The following ZNF37A variants were observed in gnomAD, a reference collection of about 807,000 sequenced individuals.
ZNF37A encodes the protein zinc finger protein 37a (KOX 21).
ZNF37A carries 10 observed loss-of-function variants against 12.3 expected under a neutral mutation model. The observed-to-expected ratio is 0.82, with a 90% CI of 0.50 to 1.38. The LOEUF (loss-of-function observed/expected upper bound fraction) is 1.38. ZNF37A is among the 40% of genes most tolerant of loss of function. The pLI is 0.00. For missense variants in ZNF37A, 580 were observed against 651.2 expected (o/e 0.89, Z 1.19); for synonymous variants, 207 against 223.0 (o/e 0.93, Z 0.64).
chr10:38,144,203 A>G (rs2070224129), intron 7 of ZNF37A: 1 of 152,196 alleles, frequency 6.6e-6, no homozygotes, highest in Non-Finnish European at 1.5e-5. Flanking sequence ...TTACATTACT[A>G]TGTATTTGCA....
intron 5 of ZNF37A, among the ~76,000 whole-genome samples, chr10:38,100,236 G>C (rs571351468): frequency 2.0e-5 from 3 of 152,286 alleles, no homozygotes; most frequent in South Asian, 2.1e-4. Flanking sequence ...TCACAGGACC[G>C]CAGGACCGGT....
At chr10:38,137,670 A>T (rs2136081081) in intron 7 of ZNF37A, 1 of 152,302 alleles carries the variant, frequency 6.6e-6, no homozygotes, top group African/African-American at 2.4e-5. Context: ...GCCACATGAC[A>T]TGAGACTATA....
intron 7 of ZNF37A, among the ~76,000 whole-genome samples, chr10:38,145,516 A>T (rs1349687585): frequency 6.6e-6 from 1 of 152,142 alleles, no homozygotes; most frequent in Non-Finnish European, 1.5e-5. Flanking sequence ...ATTTTTTCAC[A>T]TTATCTCTAC....
rs1239131137 is a variant in ZNF37A, at chr10:38,123,251, A to T, written c.*4414A>T. On this transcript the variant is annotated 3_prime_UTR_variant, in exon 8 of 8. Coordinates refer to ENST00000685332, the MANE Select transcript of ZNF37A (RefSeq NM_001324250.3). ...GTGTTTATACACATTTCATACCTGT[A>T]TTAAAATATCTCATGTACCCCATAA... 3 of 152,194 alleles carry T rather than the reference A, an allele frequency of 2.0e-5. No homozygotes were observed. The highest frequency in any genetic ancestry group is 1.9e-4 in the East Asian group (1 of 5,204). The allele number at this position is 152,194 out of a possible 1,614,324, so 9.4% of individuals were successfully genotyped here.
chr10:38,107,374 A>G (rs987695476), intron 5 of ZNF37A, among the ~76,000 whole-genome samples: 1 of 152,250 alleles, frequency 6.6e-6, no homozygotes, highest in Non-Finnish European at 1.5e-5. Context: ...ATGGAAAGGA[A>G]CAACCGGTAC....
At chr10:38,112,743 T>TTGG (rs2068844447) in intron 5 of ZNF37A, among the ~76,000 whole-genome samples, 12 of 70,538 alleles carry the variant, frequency 1.7e-4, no homozygotes, top group Admixed American at 8.4e-4. Flanking sequence ...TTCTTTTCTT[T>TTGG]TCTTTTCTTT....
rs1441437213 is a variant in ZNF37A at position 38,115,187 on chromosome 10, A to C, written c.143-8A>C. On this transcript the variant is annotated splice_polypyrimidine_tract_variant and splice_region_variant and intron_variant, in intron 6 of 7. Coordinates refer to ENST00000685332, the MANE Select transcript of ZNF37A (RefSeq NM_001324250.3). Reference sequence around the variant, plus strand: ...GTTTGTCCCAAGTAATACAATTCTCATTCACAGGGTATTGCATTCCTAAAC... The same window carrying C: ...GTTTGTCCCAAGTAATACAATTCTCCTTCACAGGGTATTGCATTCCTAAAC... 4 of 1,611,780 alleles carry C rather than the reference A, an allele frequency of 2.5e-6. No homozygotes were observed. The East Asian group carries it at 9.0e-5, about 36-fold the overall frequency.
intron 5 of ZNF37A, among the ~76,000 whole-genome samples, chr10:38,110,716 C>T (rs1167430410): frequency 6.6e-6 from 1 of 152,028 alleles, no homozygotes; most frequent in Admixed American, 6.6e-5. Flanking sequence ...ATGCGGCCAA[C>T]AAACATATGA....
Position 38,118,949 on chromosome 10 carries a change from TAA to T in ZNF37A, c.*114_*115del. ...AGTTCTCACAGTATAGAAGAGAACT[TAA>T]AGAGGGAAAAAACAATATGAAGATA... On this transcript the variant is annotated 3_prime_UTR_variant, in exon 8 of 8. Coordinates refer to ENST00000685332, the MANE Select transcript of ZNF37A (RefSeq NM_001324250.3). 10 of 1,348,124 alleles carry T rather than the reference TAA, an allele frequency of 7.4e-6. No homozygotes were observed. Among genetic ancestry groups the T allele is most frequent in the Non-Finnish European group, 8.6e-6 (9 of 1,052,018 alleles). The allele number at this position is 1,348,124 out of a possible 1,614,324, so 83.5% of individuals were successfully genotyped here.
At chr10:38,115,621 A>G (rs1188154601) in intron 7 of ZNF37A, 1 of 165,502 alleles carries the variant, frequency 6.0e-6, no homozygotes, top group African/African-American at 2.4e-5. Flanking sequence ...CAACACCCCC[A>G]GAAAGCTCCC....
chr10:38,121,136 T>C lies in ZNF37A; in HGVS notation c.*2299T>C, dbSNP rs2069668946. ...ATAATACCAGGCTTTTATAAACTTT[T>C]CTAGAAGAAAAAAGATGGAACTTTT... is the stretch of plus-strand genomic sequence containing the variant. On this transcript the variant is annotated 3_prime_UTR_variant, in exon 8 of 8. Transcript: ENST00000685332. 6.6e-6 allele frequency: 1 copy of C among 151,914 alleles called. No individual in the cohort carries two copies. The highest frequency in any genetic ancestry group is 2.4e-5 in the African/African-American group (1 of 41,366). The allele number at this position is 151,914 out of a possible 1,614,324, so 9.4% of individuals were successfully genotyped here.
Position 38,118,565 on chromosome 10 carries a change from T to C in ZNF37A, c.1414T>C (p.Cys472Arg), listed in dbSNP as rs748437542. The C allele has an allele frequency of 6.4e-5, 102 of 1,606,004 alleles. No individual in the cohort carries two copies. The highest frequency in any genetic ancestry group is 8.3e-5 in the Non-Finnish European group (97 of 1,174,926). The change falls in exon 8 of 8, where the codon TGT (cysteine) becomes CGT (arginine). Residue 472 changes from cysteine to arginine, a missense_variant. Cys to Arg is a radical substitution (Grantham distance 180, BLOSUM62 -3). Coordinates refer to ENST00000685332, the MANE Select transcript of ZNF37A (RefSeq NM_001324250.3). ...GGAGAAACCTTTTGGATGTAATGAA[T>C]GTGGGAAAACCTTCCGTCAGAAGTC... ...TGEKPFGCNECGKTFRQKSAL... is the reference protein window; with the variant it reads ...TGEKPFGCNERGKTFRQKSAL...
intron 5 of ZNF37A, among the ~76,000 whole-genome samples, chr10:38,111,855 T>C (rs542388002): frequency 1.6e-4 from 24 of 152,204 alleles, no homozygotes; most frequent in African/African-American, 5.8e-4. Context: ...GCTTTTTCTT[T>C]CAGCACTTTG....
chr10:38,102,446 C>T (rs190810604), intron 5 of ZNF37A, among the ~76,000 whole-genome samples: 31 of 152,268 alleles, frequency 2.0e-4, no homozygotes, highest in African/African-American at 7.5e-4. Flanking sequence ...AACTCTGCTC[C>T]TATACAGCTT....
At chr10:38,127,754 C>T (rs932547854), downstream of ZNF37A, among the ~76,000 whole-genome samples, 11 of 152,142 alleles carry the variant, frequency 7.2e-5, no homozygotes, top group Admixed American at 2.6e-4. Flanking sequence ...TAGCCGAATT[C>T]GTGACTTCAA....
intron 5 of ZNF37A, among the ~76,000 whole-genome samples, chr10:38,113,365 G>A (rs1341062646): frequency 6.6e-6 from 1 of 151,482 alleles, no homozygotes; most frequent in East Asian, 1.9e-4. Flanking sequence ...GGCGTCCACA[G>A]TCAGGCATGG....
Position 38,117,419 on chromosome 10 carries a change from A to G in ZNF37A, c.268A>G (p.Ile90Val), listed in dbSNP as rs200373438. The change falls in exon 8 of 8, where the codon ATA becomes GTA. Residue 90 changes from isoleucine to valine, a missense_variant. Coordinates refer to ENST00000685332, the MANE Select transcript of ZNF37A (RefSeq NM_001324250.3). ...ELINTSRNYS[I>V]MKFNEFNKGG... ...AATTAATACCAGTAGAAACTATTCA[A>G]TAATGAAGTTCAATGAGTTTAACAA... The G allele has an allele frequency of 5.1e-5, 81 of 1,585,260 alleles. No homozygotes were observed. The highest frequency in any genetic ancestry group is 1.1e-4 in the Admixed American group (6 of 52,358).
intron 5 of ZNF37A, among the ~76,000 whole-genome samples, chr10:38,100,050 C>A (rs1489377243): frequency 3.3e-5 from 5 of 152,102 alleles, no homozygotes; most frequent in African/African-American, 9.7e-5. Flanking sequence ...AGCTGGGCTT[C>A]TGGGGGAGAC....
At chr10:38,148,842 CTT>C (rs11321196) in exon 8 of ZNF37A, 3,945 of 146,794 alleles carry the variant, frequency 0.027, 172 homozygotes, top group African/African-American at 0.089. Flanking sequence ...CTTTAATATT[CTT>C]TTTTTTTTTT....
Sources: allele counts gnomAD v4.1 joint callset (sites outside exome capture counted in the v4.1 genomes callset), GRCh38; gene constraint gnomAD v4.1.1; transcripts MANE v1.5; gene names NCBI Gene and HGNC (gene_info 2026-07-23, HGNC 2026-07-21).